Variants in GRIK2 observed in about 807,000 individuals in gnomAD.
GRIK2 encodes the protein glutamate receptor ionotropic, kainate 2.
A neutral mutation model predicts 100.3 loss-of-function variants in GRIK2; 32 were observed. The observed-to-expected ratio is 0.32, with a 90% CI of 0.24 to 0.43. The LOEUF is 0.43. Among genes scored for constraint, GRIK2 ranks in the 20% least tolerant of loss-of-function variants. GRIK2 has a pLI of 1.00. For synonymous variants in GRIK2, 417 were observed against 389.4 expected, an observed-to-expected ratio of 1.07 and a Z score of -0.83; for missense variants, 843 against 1,114.9, an observed-to-expected ratio of 0.76 and a Z score of 3.47.
intron 14 of GRIK2, among the ~76,000 whole-genome samples, chr6:101,930,853 C>T (rs951417273): frequency 1.3e-5 from 2 of 152,008 alleles, no homozygotes. Flanking sequence ...CTCTCAAACA[C>T]GAGTGCCTCT....
At chr6:101,924,523 T>G in intron 12 of GRIK2, 78 bp from the exon 13 acceptor site, 1 of 788,240 alleles carries the variant, frequency 1.3e-6, no homozygotes, top group Non-Finnish European at 2.2e-6. Flanking sequence ...TTTTTGTTTC[T>G]TTTGCAGCAA....
intron 7 of GRIK2, among the ~76,000 whole-genome samples, chr6:101,771,740 T>A (rs868716004): frequency 6.4e-5 from 9 of 139,646 alleles, no homozygotes; most frequent in African/African-American, 1.6e-4. Flanking sequence ...TGTCCATGTG[T>A]TCTCATTGTT....
chr6:101,969,564 C>T (rs976594613), intron 14 of GRIK2, among the ~76,000 whole-genome samples: 2 of 151,836 alleles, frequency 1.3e-5, no homozygotes, highest in South Asian at 2.1e-4. Context: ...AGACAATTGC[C>T]GCTGTTTGAC....
intron 10 of GRIK2, among the ~76,000 whole-genome samples, chr6:101,826,137 C>T (rs1278837243): frequency 6.6e-6 from 1 of 151,670 alleles, no homozygotes; most frequent in Non-Finnish European, 1.5e-5. Flanking sequence ...AATTCAAGTA[C>T]CTAAAGGAGA....
intron 12 of GRIK2, among the ~76,000 whole-genome samples, chr6:101,924,193 TTA>T (rs1420860083): frequency 6.6e-6 from 1 of 152,172 alleles, no homozygotes; most frequent in Non-Finnish European, 1.5e-5. Flanking sequence ...TATGATGATT[TTA>T]TATTTTTTTC....
chr6:101,754,796 C>A, intron 7 of GRIK2, among the ~76,000 whole-genome samples: 1 of 152,148 alleles, frequency 6.6e-6, no homozygotes, highest in South Asian at 2.1e-4. Context: ...ACGATATGTG[C>A]AATGGCTCAG....
chr6:101,679,861 C>G (rs983779280), intron 5 of GRIK2, among the ~76,000 whole-genome samples: 1 of 152,160 alleles, frequency 6.6e-6, no homozygotes, highest in African/African-American at 2.4e-5. Flanking sequence ...GCCTCGGCCT[C>G]CTGAGTAGCC....
chr6:101,821,122 A>G (rs1054224321), intron 10 of GRIK2, among the ~76,000 whole-genome samples: 11 of 152,288 alleles, frequency 7.2e-5, no homozygotes, highest in African/African-American at 2.6e-4. Flanking sequence ...TCAAATGACT[A>G]TATTTAAATA....
intron 7 of GRIK2, among the ~76,000 whole-genome samples, chr6:101,700,004 G>A (rs531721733): frequency 6.6e-6 from 1 of 151,996 alleles, no homozygotes; most frequent in South Asian, 2.1e-4. Context: ...GAAAAAATTA[G>A]CCTGGCATAG....
At chr6:101,961,749 C>T (rs2128482624) in intron 14 of GRIK2, among the ~76,000 whole-genome samples, 1 of 152,206 alleles carries the variant, frequency 6.6e-6, no homozygotes, top group African/African-American at 2.4e-5. Flanking sequence ...AGAGCTCACC[C>T]TGAACGTTAG....
At chr6:101,811,202 G>C (rs866772547) in intron 9 of GRIK2, among the ~76,000 whole-genome samples, 4 of 152,124 alleles carry the variant, frequency 2.6e-5, no homozygotes, top group Non-Finnish European at 4.4e-5. Flanking sequence ...TCTGCATTGT[G>C]CTAAGACTGT....
At chr6:102,064,367 TTTC>T (rs1771905652) in intron 16 of GRIK2, among the ~76,000 whole-genome samples, 1 of 128,826 alleles carries the variant, frequency 7.8e-6, no homozygotes, top group Non-Finnish European at 1.6e-5. Context: ...TCCTTCCTTC[TTTC>T]TTTCTTTCTT....
chr6:101,897,086 T>G (rs1582482131), intron 12 of GRIK2, among the ~76,000 whole-genome samples: 1 of 151,606 alleles, frequency 6.6e-6, no homozygotes, highest in East Asian at 1.9e-4. Context: ...ATAAAAAATT[T>G]TTTTAAAGAT....
chr6:101,516,717 T>C (rs1226977566), intron 2 of GRIK2, among the ~76,000 whole-genome samples: 1 of 152,152 alleles, frequency 6.6e-6, no homozygotes. Flanking sequence ...TATATGCATG[T>C]AGCTATAATA....
intron 7 of GRIK2, among the ~76,000 whole-genome samples, chr6:101,696,022 G>A (rs1772461727): frequency 6.6e-6 from 1 of 151,956 alleles, no homozygotes; most frequent in South Asian, 2.1e-4. Flanking sequence ...TCGTTAAGTA[G>A]GGGATCAATT....
At chr6:101,495,121 A>C (rs902175731) in intron 2 of GRIK2, among the ~76,000 whole-genome samples, 13 of 151,448 alleles carry the variant, frequency 8.6e-5, no homozygotes, top group African/African-American at 2.2e-4. Flanking sequence ...TATATTCTAT[A>C]TTGTGTATGT....
At chr6:101,565,321 C>G (rs961717606) in intron 2 of GRIK2, among the ~76,000 whole-genome samples, 3 of 152,058 alleles carry the variant, frequency 2.0e-5, no homozygotes, top group Non-Finnish European at 4.4e-5. Context: ...ACTCTTAAAA[C>G]ACACTTTTCC....
At chr6:101,601,174 T>G (rs187986869) in intron 2 of GRIK2, among the ~76,000 whole-genome samples, 63 of 151,850 alleles carry the variant, frequency 4.1e-4, no homozygotes, top group African/African-American at 1.5e-3. Flanking sequence ...CAAATGCTTT[T>G]TCTGTGTCTG....
At chr6:101,620,640 G>T (rs1780111243) in intron 2 of GRIK2, among the ~76,000 whole-genome samples, 1 of 152,142 alleles carries the variant, frequency 6.6e-6, no homozygotes, top group Non-Finnish European at 1.5e-5. Flanking sequence ...GCTAGATGTG[G>T]AATAGCTTAT....
Sources: gnomAD v4.1 joint callset for allele counts (sites outside exome capture counted in the v4.1 genomes callset) on GRCh38, gnomAD v4.1.1 for gene constraint, MANE v1.5 for transcripts, NCBI Gene and HGNC (gene_info 2026-07-23, HGNC 2026-07-21) for gene names.